Variants in TBC1D22A observed in about 807,000 individuals in gnomAD.
The protein encoded by TBC1D22A is putative GTPase activator.
In TBC1D22A, 38 loss-of-function variants were observed where a neutral mutation model predicts 60.2. The ratio of observed to expected loss-of-function variants is 0.63; its 90% CI spans 0.49 to 0.83. The LOEUF is 0.83. TBC1D22A is among the 40% of genes least tolerant of loss of function. The pLI, the probability that TBC1D22A is intolerant of heterozygous loss-of-function variation, is 0.00. For synonymous variants in TBC1D22A, 302 were observed against 281.7 expected (o/e 1.07, Z -0.72); for missense variants, 628 against 701.0 (o/e 0.90, Z 1.18).
At position 47,102,149 on chromosome 22, in the gene TBC1D22A, T is replaced by A. The variant is rs371763049; in HGVS notation, c.1330-9359T>A. ...TCTGCTGAAGGTTCATCGCTGAGGA[T>A]CCTTTCTCAGTCTCTGGCGCCTTCC... is the stretch of plus-strand genomic sequence containing the variant. On this transcript the variant is annotated intron_variant, in intron 11 of 12. Transcript: ENST00000337137. Among the ~76,000 whole-genome samples, 8 of 152,334 alleles carry A rather than the reference T, an allele frequency of 5.3e-5. No homozygotes were observed. The East Asian group carries it at 1.5e-3, about 29-fold the overall frequency.
At chr22:47,164,874 G>A (rs762635115) in intron 12 of TBC1D22A, among the ~76,000 whole-genome samples, 4 of 152,194 alleles carry the variant, frequency 2.6e-5, no homozygotes, top group Non-Finnish European at 4.4e-5. Context: ...CAGCCCCTGC[G>A]CAGGAGGAAT....
chr22:47,047,191 A>G (rs539959735), intron 11 of TBC1D22A, among the ~76,000 whole-genome samples: 1 of 152,316 alleles, frequency 6.6e-6, no homozygotes, highest in South Asian at 2.1e-4. Context: ...GCATGTAGCA[A>G]TTCTGTGATA....
chr22:46,834,279 C>G (rs1239130122), intron 4 of TBC1D22A, among the ~76,000 whole-genome samples: 1 of 152,036 alleles, frequency 6.6e-6, no homozygotes, highest in Non-Finnish European at 1.5e-5. Context: ...AGCCCTCATC[C>G]CCCCCAGCAG....
At chr22:46,792,485 A>G (rs1257486295) in intron 1 of TBC1D22A, 35 bp from the exon 2 acceptor site, 9 of 1,613,998 alleles carry the variant, frequency 5.6e-6, no homozygotes, top group Non-Finnish European at 6.8e-6. Flanking sequence ...AAGGCAGGAG[A>G]GAGGCTCACT....
chr22:47,071,530 C>T lies in TBC1D22A; in HGVS notation c.1329+34332C>T, dbSNP rs879890420. 6.6e-5 allele frequency among the ~76,000 whole-genome samples: 10 copies of T among 152,340 alleles called. No homozygotes were observed. In the South Asian group the frequency reaches 1.7e-3, roughly 25 times the overall value. ...TCGGCCCCACTCTGGGGTGGGCTCCCGCTTTTAGGCTCTTTGCTTTCACAA... is the reference window on the plus strand; with the variant it reads ...TCGGCCCCACTCTGGGGTGGGCTCCTGCTTTTAGGCTCTTTGCTTTCACAA... On this transcript the variant is annotated intron_variant, in intron 11 of 12. Transcript: ENST00000337137.
chr22:46,997,003 C>T (rs1443811111), intron 9 of TBC1D22A, among the ~76,000 whole-genome samples: 1 of 152,234 alleles, frequency 6.6e-6, no homozygotes, highest in Non-Finnish European at 1.5e-5. Flanking sequence ...AGTCCTAGAG[C>T]TGGGGCCCCA....
intron 11 of TBC1D22A, among the ~76,000 whole-genome samples, chr22:47,058,526 G>A (rs916340569): frequency 6.6e-6 from 1 of 151,858 alleles, no homozygotes; most frequent in Admixed American, 6.6e-5. Context: ...CTTAGCTCTT[G>A]CCTCCCCTCC....
At chr22:46,861,442 C>T (rs1446447048) in intron 4 of TBC1D22A, among the ~76,000 whole-genome samples, 1 of 152,238 alleles carries the variant, frequency 6.6e-6, no homozygotes, top group Non-Finnish European at 1.5e-5. Context: ...TTGCAGGTTT[C>T]TGTCCTCTGT....
intron 10 of TBC1D22A, among the ~76,000 whole-genome samples, chr22:47,007,411 T>TATGC (rs1235838585): frequency 6.6e-6 from 1 of 152,154 alleles, no homozygotes; most frequent in African/African-American, 2.4e-5. Flanking sequence ...GAGCTACAGG[T>TATGC]GCATTGTAAG....
intron 12 of TBC1D22A, among the ~76,000 whole-genome samples, chr22:47,159,566 T>TAC (rs140709409): frequency 0.12 from 17,656 of 149,278 alleles, 1,110 homozygotes; most frequent in Middle Eastern, 0.14. Context: ...ACACACACAC[T>TAC]ACACACACAC....
At chr22:46,863,879 G>A (rs528522338) in intron 4 of TBC1D22A, among the ~76,000 whole-genome samples, 2 of 152,252 alleles carry the variant, frequency 1.3e-5, no homozygotes, top group Admixed American at 1.3e-4. Flanking sequence ...CCGGCCTCAT[G>A]GACATCTCTT....
At chr22:46,879,432 A>G (rs2067740212) in intron 5 of TBC1D22A, among the ~76,000 whole-genome samples, 1 of 152,000 alleles carries the variant, frequency 6.6e-6, no homozygotes, top group Admixed American at 6.6e-5. Context: ...CTTTTTCATT[A>G]TTTTTGGAGC....
intron 4 of TBC1D22A, among the ~76,000 whole-genome samples, chr22:46,878,342 G>T (rs2147490700): frequency 6.6e-6 from 1 of 151,422 alleles, no homozygotes; most frequent in African/African-American, 2.4e-5. Context: ...AAGGAGGTGG[G>T]AGGGAAGGAG....
chr22:46,880,550 G>T (rs1365383735), intron 5 of TBC1D22A, among the ~76,000 whole-genome samples: 1 of 152,166 alleles, frequency 6.6e-6, no homozygotes, highest in South Asian at 2.1e-4. Context: ...CTTGGGAGAC[G>T]GAGATGAATT....
At chr22:46,942,026 T>TATTATA (rs1555960666) in intron 8 of TBC1D22A, among the ~76,000 whole-genome samples, 5 of 137,400 alleles carry the variant, frequency 3.6e-5, no homozygotes, top group African/African-American at 1.1e-4. Flanking sequence ...TATATATATA[T>TATTATA]TATATATATA....
chr22:47,033,845 G>A (rs924576926), intron 10 of TBC1D22A, among the ~76,000 whole-genome samples: 4 of 152,118 alleles, frequency 2.6e-5, no homozygotes, highest in South Asian at 2.1e-4. Context: ...GGAAGGCAGC[G>A]GTGAAGGCCG....
At chr22:46,878,545 T>C (rs2067686205) in intron 4 of TBC1D22A, 108 bp from the exon 5 acceptor site, 2 of 856,106 alleles carry the variant, frequency 2.3e-6, no homozygotes, top group African/African-American at 1.7e-5. Flanking sequence ...AATTTGTTTA[T>C]GGGGCTCCTT....
intron 8 of TBC1D22A, 71 bp downstream of exon 8, chr22:46,912,259 CAA>C (rs974527911): frequency 3.3e-5 from 37 of 1,135,276 alleles, no homozygotes; most frequent in Non-Finnish European, 4.4e-5. Context: ...ATAATTATAA[CAA>C]TATTGAAAAT....
chr22:47,019,094 G>A lies in TBC1D22A; in HGVS notation c.1202-17977G>A, dbSNP rs150262286. Among the ~76,000 whole-genome samples, 321 of 152,332 alleles carry A rather than the reference G, an allele frequency of 2.1e-3. 1 individual carries two copies. The highest frequency in any genetic ancestry group is 7.5e-3 in the African/African-American group (311 of 41,576). ...CCAGCCACAGCCCCTCTTCACTCCCGCGCCTCCCAGCTGGCCTGGCGCCCA... is the reference window on the plus strand; with the variant it reads ...CCAGCCACAGCCCCTCTTCACTCCCACGCCTCCCAGCTGGCCTGGCGCCCA... On this transcript the variant is annotated intron_variant, in intron 10 of 12. Transcript: ENST00000337137.
Sources: allele counts gnomAD v4.1 joint callset (sites outside exome capture counted in the v4.1 genomes callset), GRCh38; gene constraint gnomAD v4.1.1; transcripts MANE v1.5; gene names NCBI Gene and HGNC (gene_info 2026-07-23, HGNC 2026-07-21).